Variants in LRRFIP1 observed in about 807,000 individuals in gnomAD.
The protein encoded by LRRFIP1 is leucine-rich repeat flightless-interacting protein 1.
Under a neutral mutation model 104.4 loss-of-function variants are expected in LRRFIP1, and 62 were observed. The observed-to-expected ratio is 0.59, with a 90% CI of 0.48 to 0.73. LRRFIP1 has a LOEUF of 0.73. LRRFIP1 is among the 30% of genes least tolerant of loss of function. LRRFIP1 has a pLI of 0.00. For missense variants in LRRFIP1, 796 were observed against 824.5 expected, an observed-to-expected ratio of 0.97 and a Z score of 0.42; for synonymous variants, 300 against 299.0, an observed-to-expected ratio of 1.00 and a Z score of -0.03.
intron 1 of LRRFIP1, among the ~76,000 whole-genome samples, chr2:237,654,306 A>G (rs2086426922): frequency 6.6e-6 from 1 of 152,236 alleles, no homozygotes; most frequent in Non-Finnish European, 1.5e-5. Context: ...TAAAACCACA[A>G]TAAGATATCA....
intron 23 of LRRFIP1, among the ~76,000 whole-genome samples, chr2:237,776,814 C>CTAT (rs1201037264): frequency 6.6e-6 from 1 of 152,146 alleles, no homozygotes; most frequent in Non-Finnish European, 1.5e-5. Context: ...TTCAGATGCA[C>CTAT]ATAGCTAGGT....
At chr2:237,694,941 C>T (rs2093067824) in intron 1 of LRRFIP1, among the ~76,000 whole-genome samples, 1 of 152,156 alleles carries the variant, frequency 6.6e-6, no homozygotes, top group Non-Finnish European at 1.5e-5. Context: ...TAGGGGAGAG[C>T]GTGGACACAC....
intron 1 of LRRFIP1, among the ~76,000 whole-genome samples, chr2:237,662,848 C>A (rs748337073): frequency 2.6e-5 from 4 of 152,132 alleles, no homozygotes; most frequent in Non-Finnish European, 4.4e-5. Flanking sequence ...GACACGCCCA[C>A]CAGCGCTATG....
rs13432265 is a variant in LRRFIP1 at position 237,708,573 on chromosome 2, G to A, written c.126G>A (p.Ala42=). The A allele has an allele frequency of 1.7e-3, 2,701 of 1,593,230 alleles. 44 individuals are homozygous for A. In the African/African-American group the frequency reaches 0.03, roughly 18 times the overall value. ...AAGCCCGGCTCGCTGCAAAACGGGC[G>A]GCCCGCGCGGAGGCTCGCGAGATCC... ...EAEARLAAKR[A]ARAEAREIRM... is the part of the protein sequence containing the mutation. Residue 42 remains alanine (A), a synonymous_variant, in exon 2 of 24, where the codon GCG becomes GCA. Transcript: ENST00000308482.
intron 1 of LRRFIP1, among the ~76,000 whole-genome samples, chr2:237,630,127 A>G (rs2082146711): frequency 6.6e-6 from 1 of 152,246 alleles, no homozygotes; most frequent in South Asian, 2.1e-4. Context: ...ACCCAGCCGT[A>G]GGTGCAGCTG....
At chr2:237,658,607 A>G (rs1181446168) in intron 1 of LRRFIP1, among the ~76,000 whole-genome samples, 1 of 152,200 alleles carries the variant, frequency 6.6e-6, no homozygotes, top group Non-Finnish European at 1.5e-5. Context: ...ATAGCTGGAG[A>G]GGCCTCAGGA....
At chr2:237,637,278 A>T (rs1188404849) in intron 1 of LRRFIP1, among the ~76,000 whole-genome samples, 1 of 152,138 alleles carries the variant, frequency 6.6e-6, no homozygotes, top group Non-Finnish European at 1.5e-5. Flanking sequence ...GACCAGCCTA[A>T]CCAATATGGT....
In LRRFIP1 at chr2:237,763,991, G is replaced by A. The variant is rs763673830; in HGVS notation, c.1459+3786G>A. 9.8e-5 allele frequency: 158 copies of A among 1,614,058 alleles called. 2 individuals are homozygous for A. The South Asian group carries it at 1.3e-3, about 14-fold the overall frequency. On this transcript the variant is annotated intron_variant, in intron 19 of 23. Coordinates refer to ENST00000308482, the MANE Select transcript of LRRFIP1 (RefSeq NM_001137550.2). ...GATGTCAGAACATCCAAGTCAGACC[G>A]TCAGGAAAGCTTTAGACAGCAATAG...
chr2:237,772,301 C>T (rs969165006), intron 21 of LRRFIP1, 103 bp downstream of exon 21: 4 of 807,364 alleles, frequency 5.0e-6, no homozygotes, highest in Non-Finnish European at 8.2e-6. Flanking sequence ...GCCCTCATTC[C>T]CTCACATCCC....
At chr2:237,671,450 C>T (rs1271199110) in intron 1 of LRRFIP1, among the ~76,000 whole-genome samples, 2 of 152,216 alleles carry the variant, frequency 1.3e-5, no homozygotes, top group African/African-American at 2.4e-5. Context: ...AGGTTGGGTA[C>T]TTTAAAGTTG....
At chr2:237,632,848 G>A (rs1388371835) in intron 1 of LRRFIP1, among the ~76,000 whole-genome samples, 1 of 152,174 alleles carries the variant, frequency 6.6e-6, no homozygotes, top group Non-Finnish European at 1.5e-5. Context: ...CTTGCCCTCT[G>A]GTGAGGTGAC....
chr2:237,753,312 T>G lies in LRRFIP1; in HGVS notation c.871T>G (p.Ser291Ala). 6.3e-7 allele frequency: 1 copy of G among 1,576,242 alleles called. No homozygotes were observed. The change falls in exon 15 of 24, where the codon TCT (serine) becomes GCT (alanine). Residue 291 changes from serine to alanine, a missense_variant. By Grantham distance (99) the Ser-to-Ala change is moderately conservative. Coordinates refer to ENST00000308482, the MANE Select transcript of LRRFIP1 (RefSeq NM_001137550.2). ...AAATATGACCTGCTTTCCACAGGAC[T>G]CTCTAGCAGAAGTTGAAGAGAAATA... ...YMQGLKEMKD[S>A]LAEVEEKYKK... is the part of the protein sequence containing the mutation.
chr2:237,657,621 G>T (rs13412799), intron 1 of LRRFIP1, among the ~76,000 whole-genome samples: 5 of 152,196 alleles, frequency 3.3e-5, no homozygotes, highest in Admixed American at 2.0e-4. Flanking sequence ...GAAAGAAAGC[G>T]TGACAGAATT....
chr2:237,737,709 G>A (rs1576044338), intron 10 of LRRFIP1, among the ~76,000 whole-genome samples: 1 of 152,196 alleles, frequency 6.6e-6, no homozygotes, highest in Non-Finnish European at 1.5e-5. Context: ...TTGACATTAA[G>A]TGTTTTCCTT....
chr2:237,694,594 G>C (rs983467638), intron 1 of LRRFIP1, among the ~76,000 whole-genome samples: 9 of 152,148 alleles, frequency 5.9e-5, no homozygotes, highest in Admixed American at 5.9e-4. Flanking sequence ...TTGTGTCCGT[G>C]GGTTCAGGGA....
At chr2:237,776,562 C>A (rs1194265939) in intron 23 of LRRFIP1, among the ~76,000 whole-genome samples, 1 of 152,080 alleles carries the variant, frequency 6.6e-6, no homozygotes, top group Non-Finnish European at 1.5e-5. Flanking sequence ...TTATCTCATT[C>A]TCCCTATTTC....
chr2:237,734,035 C>G (rs758557771), intron 9 of LRRFIP1, among the ~76,000 whole-genome samples: 5 of 152,218 alleles, frequency 3.3e-5, no homozygotes, highest in African/African-American at 4.8e-5. Context: ...CCACACTGCT[C>G]TGTCTCCAGG....
At chr2:237,732,521 A>G (rs543113910) in intron 8 of LRRFIP1, among the ~76,000 whole-genome samples, 15 of 152,390 alleles carry the variant, frequency 9.8e-5, no homozygotes, top group African/African-American at 3.6e-4. Context: ...CAAAGTCACA[A>G]GAGCAAAGCT....
At position 237,755,051 on chromosome 2, in the gene LRRFIP1, G is replaced by C. The variant is rs1480218328; in HGVS notation, c.1039-1044G>C. Among the ~76,000 whole-genome samples the C allele has an allele frequency of 2.0e-5, 3 of 152,238 alleles. No individual in the cohort carries two copies. The East Asian group carries it at 5.8e-4, about 29-fold the overall frequency. Reference sequence around the variant, plus strand: ...CCAGGGTGAGCAGAAGCTCAGGCCAGATCCCATCTCAGATCACCCGCCTGA... The same window carrying C: ...CCAGGGTGAGCAGAAGCTCAGGCCACATCCCATCTCAGATCACCCGCCTGA... On this transcript the variant is annotated intron_variant, in intron 15 of 23. Coordinates refer to ENST00000308482, the MANE Select transcript of LRRFIP1 (RefSeq NM_001137550.2).
Sources: gnomAD v4.1 joint callset for allele counts (sites outside exome capture counted in the v4.1 genomes callset) on GRCh38, gnomAD v4.1.1 for gene constraint, MANE v1.5 for transcripts, NCBI Gene and HGNC (gene_info 2026-07-23, HGNC 2026-07-21) for gene names.